DGKB: variants seen among roughly 807,000 people sequenced by gnomAD.
DGKB encodes the protein diacylglycerol kinase beta.
Under a neutral mutation model 114.3 loss-of-function variants are expected in DGKB, and 67 were observed. The ratio of observed to expected loss-of-function variants is 0.59; its 90% CI spans 0.48 to 0.72. The LOEUF (loss-of-function observed/expected upper bound fraction) is 0.72. Among genes scored for constraint, DGKB ranks in the 30% least tolerant of loss-of-function variants. The probability of loss-of-function intolerance (pLI) is 0.00; values close to 1 mark genes in which losing one functional copy is unlikely to be tolerated. For synonymous variants in DGKB, 398 were observed against 323.1 expected (o/e 1.23, Z -2.49); for missense variants, 907 against 975.2 (o/e 0.93, Z 0.93).
intron 1 of DGKB, among the ~76,000 whole-genome samples, chr7:14,938,860 A>G (rs890250539): frequency 6.6e-6 from 1 of 152,168 alleles, no homozygotes; most frequent in Admixed American, 6.5e-5. Flanking sequence ...AGGTGTCAGC[A>G]TTAAACAAAT....
chr7:14,276,576 G>T (rs1339158065), intron 23 of DGKB, among the ~76,000 whole-genome samples: 1 of 151,932 alleles, frequency 6.6e-6, no homozygotes, highest in Non-Finnish European at 1.5e-5. Context: ...ATGCATGTTA[G>T]AAAAATTACT....
intron 21 of DGKB, among the ~76,000 whole-genome samples, chr7:14,439,547 T>C (rs1284416585): frequency 6.6e-6 from 1 of 152,106 alleles, no homozygotes; most frequent in Non-Finnish European, 1.5e-5. Context: ...ATTTATGCTT[T>C]CTTTATGTAT....
chr7:14,807,383 T>A (rs1842906336), intron 2 of DGKB, among the ~76,000 whole-genome samples: 1 of 152,044 alleles, frequency 6.6e-6, no homozygotes, highest in African/African-American at 2.4e-5. Flanking sequence ...CAAATTTCCA[T>A]AGATATATTA....
intron 17 of DGKB, among the ~76,000 whole-genome samples, chr7:14,586,500 T>G (rs1800789416): frequency 6.6e-6 from 1 of 152,082 alleles, no homozygotes; most frequent in African/African-American, 2.4e-5. Context: ...AAGATCTAGC[T>G]ACAATTATTG....
intron 23 of DGKB, among the ~76,000 whole-genome samples, chr7:14,216,834 T>C (rs1490896767): frequency 6.6e-6 from 1 of 151,994 alleles, no homozygotes; most frequent in African/African-American, 2.4e-5. Context: ...TAAAATAACT[T>C]AAAGGTCTTT....
rs1825124367 is a variant in DGKB at position 14,701,285 on chromosome 7, T to C, written c.516+396A>G. ...TAATGAGATAATTAAACTGACTTTA[T>C]ACATCCTTAAAATTCTACTTATAGT... On this transcript the variant is annotated intron_variant, in intron 7 of 25. Coordinates refer to ENST00000402815, the MANE Select transcript of DGKB (RefSeq NM_001350709.2). 5.3e-5 allele frequency among the ~76,000 whole-genome samples: 8 copies of C among 152,230 alleles called. No homozygotes were observed. The South Asian group carries it at 1.7e-3, about 31-fold the overall frequency.
intron 20 of DGKB, among the ~76,000 whole-genome samples, chr7:14,520,753 T>C (rs1789636453): frequency 6.6e-6 from 1 of 152,082 alleles, no homozygotes; most frequent in Non-Finnish European, 1.5e-5. Context: ...TGGTTTCTAA[T>C]AGAAAATGTT....
intron 20 of DGKB, among the ~76,000 whole-genome samples, chr7:14,530,679 T>A (rs1433965833): frequency 6.6e-6 from 1 of 151,492 alleles, no homozygotes; most frequent in African/African-American, 2.4e-5. Flanking sequence ...ATATACAAGA[T>A]ATAGCAAGGT....
chr7:14,786,313 A>G (rs575083545), intron 2 of DGKB, among the ~76,000 whole-genome samples: 4 of 152,212 alleles, frequency 2.6e-5, no homozygotes, highest in African/African-American at 9.6e-5. Flanking sequence ...TATTTTACCA[A>G]TCAGGTTGTA....
intron 1 of DGKB, among the ~76,000 whole-genome samples, chr7:14,898,859 C>A (rs770882671): frequency 1.3e-5 from 2 of 152,092 alleles, no homozygotes; most frequent in Non-Finnish European, 2.9e-5. Context: ...CTATAGTGAT[C>A]GGCATATTGC....
chr7:14,211,259 C>G (rs1787740960), intron 23 of DGKB, among the ~76,000 whole-genome samples: 1 of 150,026 alleles, frequency 6.7e-6, no homozygotes, highest in Non-Finnish European at 1.5e-5. Context: ...CCATTACTTC[C>G]TCATGAAGTC....
chr7:14,494,933 T>C lies in DGKB; in HGVS notation c.1771-16708A>G, dbSNP rs933081360. On this transcript the variant is annotated intron_variant, in intron 20 of 25. Coordinates refer to ENST00000402815, the MANE Select transcript of DGKB (RefSeq NM_001350709.2). ...ATGGCTTCATGATAAAACAGTAAAC[T>C]ATCTTCACAAGATTAGTAATACTAT... Among the ~76,000 whole-genome samples the C allele has an allele frequency of 5.9e-5, 9 of 152,056 alleles. No individual in the cohort carries two copies. In the East Asian group the frequency reaches 1.7e-3, roughly 29 times the overall value.
chr7:14,185,326 T>C (rs1205502234), intron 23 of DGKB, among the ~76,000 whole-genome samples: 1 of 152,032 alleles, frequency 6.6e-6, no homozygotes, highest in African/African-American at 2.4e-5. Context: ...GAAAGACCTC[T>C]ACAAGGAAAA....
chr7:14,277,636 T>C (rs1242641807), intron 23 of DGKB, among the ~76,000 whole-genome samples: 2 of 152,334 alleles, frequency 1.3e-5, no homozygotes, highest in Non-Finnish European at 2.9e-5. Context: ...ATTGTATACA[T>C]TTACAACATT....
rs552457465 is a variant in DGKB at position 14,338,906 on chromosome 7, G to C, written c.1927-196C>G. 2.6e-5 allele frequency among the ~76,000 whole-genome samples: 4 copies of C among 152,112 alleles called. No homozygotes were observed. The East Asian group carries it at 7.7e-4, about 29-fold the overall frequency. On this transcript the variant is annotated intron_variant, in intron 22 of 25. Transcript: ENST00000402815. ...ATAAAGCAGCCCCTAACATTAACCAGTTATCTCTAGAAGTCCTTAAAAATG... is the reference window on the plus strand; with the variant it reads ...ATAAAGCAGCCCCTAACATTAACCACTTATCTCTAGAAGTCCTTAAAAATG...
At chr7:14,603,885 G>T (rs1804004674) in intron 17 of DGKB, among the ~76,000 whole-genome samples, 2 of 151,984 alleles carry the variant, frequency 1.3e-5, no homozygotes, top group Admixed American at 1.3e-4. Flanking sequence ...TTTTCATGAA[G>T]ATTAGATTCA....
intron 20 of DGKB, among the ~76,000 whole-genome samples, chr7:14,525,744 G>C (rs945994087): frequency 6.6e-6 from 1 of 152,078 alleles, no homozygotes; most frequent in African/African-American, 2.4e-5. Context: ...AGTTTTATTT[G>C]TGTAATAGAA....
At chr7:14,340,159 C>CTTTTT (rs35208788) in intron 22 of DGKB, among the ~76,000 whole-genome samples, 1 of 89,172 alleles carries the variant, frequency 1.1e-5, no homozygotes, top group Non-Finnish European at 2.2e-5. Flanking sequence ...CTGGATGATG[C>CTTTTT]TTTTTTTTTT....
intron 21 of DGKB, among the ~76,000 whole-genome samples, chr7:14,374,840 C>T (rs113236535): frequency 1.3e-5 from 2 of 152,218 alleles, no homozygotes; most frequent in African/African-American, 4.8e-5. Context: ...TGATTACTAC[C>T]CCCAACCTTG....
Sources: allele counts gnomAD v4.1 joint callset (sites outside exome capture counted in the v4.1 genomes callset), GRCh38; gene constraint gnomAD v4.1.1; transcripts MANE v1.5; gene names NCBI Gene and HGNC (gene_info 2026-07-23, HGNC 2026-07-21).